Variants in REDIC1 observed in about 807,000 individuals in gnomAD.
The protein encoded by REDIC1 is regulator of DNA class I crossover intermediates 1.
chr12:39,650,253 C>G, the REDIC1 span: 1 of 1,608,494 alleles, frequency 6.2e-7, no homozygotes, highest in Non-Finnish European at 8.5e-7. This position sits in a 1 kb window ranked among gnomAD's most constrained non-coding sequence, Gnocchi z 4.3. Context: ...GTACTGTTAA[C>G]TGTTCTGATT....
chr12:39,782,280 G>A, the REDIC1 span, among the ~76,000 whole-genome samples: 2 of 152,130 alleles, frequency 1.3e-5, no homozygotes, highest in African/African-American at 4.8e-5. Flanking sequence ...AATTTGAATT[G>A]TATCTCTCAG....
chr12:39,704,253 T>G, the REDIC1 span, among the ~76,000 whole-genome samples: 1 of 150,984 alleles, frequency 6.6e-6, no homozygotes, highest in East Asian at 1.9e-4. Flanking sequence ...CATCAAAAAG[T>G]GGGCAAAGGA....
the REDIC1 span, among the ~76,000 whole-genome samples, chr12:39,864,242 C>T: frequency 1.3e-5 from 2 of 152,166 alleles, no homozygotes; most frequent in African/African-American, 2.4e-5. Context: ...ATTTTGTTTT[C>T]TTTCACCATC....
the REDIC1 span, chr12:39,764,826 T>G: frequency 1.2e-6 from 2 of 1,612,382 alleles, no homozygotes; most frequent in Non-Finnish European, 1.7e-6. Context: ...CCAAAATATA[T>G]CTTCTGTTTT....
the REDIC1 span, chr12:39,756,896 G>A: frequency 3.3e-5 from 5 of 151,526 alleles, no homozygotes; most frequent in Non-Finnish European, 7.4e-5. Context: ...TATTCTCATA[G>A]CATTTTGTAT....
the REDIC1 span, among the ~76,000 whole-genome samples, chr12:39,661,240 C>T: frequency 6.6e-6 from 1 of 152,112 alleles, no homozygotes; most frequent in African/African-American, 2.4e-5. Flanking sequence ...ACATTCTTTT[C>T]CGTAATGACA....
the REDIC1 span, chr12:39,864,861 A>G: frequency 2.5e-6 from 4 of 1,613,864 alleles, no homozygotes; most frequent in Non-Finnish European, 3.4e-6. Flanking sequence ...CAAGGCAAGA[A>G]TAATGAGTGC....
At chr12:39,688,923 A>G in the REDIC1 span, among the ~76,000 whole-genome samples, 1 of 152,184 alleles carries the variant, frequency 6.6e-6, no homozygotes. Context: ...CCATAGGAGG[A>G]GGTGGCAGGA....
the REDIC1 span, among the ~76,000 whole-genome samples, chr12:39,635,769 G>T: frequency 6.6e-6 from 1 of 152,054 alleles, no homozygotes; most frequent in Non-Finnish European, 1.5e-5. Context: ...TTGTGCATAT[G>T]TACCCTAGAA....
the REDIC1 span, among the ~76,000 whole-genome samples, chr12:39,883,294 C>T: frequency 1.3e-5 from 2 of 152,116 alleles, no homozygotes; most frequent in Admixed American, 1.3e-4. Context: ...GCCTCACCAC[C>T]ATCACTCTCC....
chr12:39,713,422 ATG>A, the REDIC1 span, among the ~76,000 whole-genome samples: 1 of 9,358 alleles, frequency 1.1e-4, no homozygotes, highest in Admixed American at 1.5e-3. Flanking sequence ...ACATATACAT[ATG>A]TATATATGTG....
the REDIC1 span, among the ~76,000 whole-genome samples, chr12:39,733,066 A>AAT: frequency 9.7e-5 from 6 of 61,974 alleles, no homozygotes; most frequent in African/African-American, 4.5e-4. Context: ...GAGGCAGAAA[A>AAT]ATGCACACAC....
the REDIC1 span, among the ~76,000 whole-genome samples, chr12:39,838,235 G>A: frequency 0.068 from 10,278 of 150,434 alleles, 485 homozygotes; most frequent in Admixed American, 0.087. Context: ...GTAAACTGTC[G>A]CAAGATCAAA....
chr12:39,672,977 T>C, the REDIC1 span, among the ~76,000 whole-genome samples: 1 of 152,124 alleles, frequency 6.6e-6, no homozygotes, highest in Non-Finnish European at 1.5e-5. Flanking sequence ...TCCCATTCCA[T>C]TCTCAGAGCC....
the REDIC1 span, among the ~76,000 whole-genome samples, chr12:39,702,687 A>C: frequency 1.3e-5 from 2 of 152,214 alleles, no homozygotes; most frequent in South Asian, 2.1e-4. Context: ...AATCCTCAAT[A>C]AAATACTGGC....
At chr12:39,864,722 CAG>C in the REDIC1 span, 29 of 1,598,174 alleles carry the variant, frequency 1.8e-5, 1 homozygote, top group African/African-American at 3.5e-4. Context: ...AAAAAGTTAC[CAG>C]AGTCATGTAA....
the REDIC1 span, among the ~76,000 whole-genome samples, chr12:39,735,817 T>C: frequency 1.3e-5 from 2 of 152,244 alleles, no homozygotes; most frequent in Non-Finnish European, 2.9e-5. Flanking sequence ...CAACATGCTT[T>C]CCTATAGCAA....
At chr12:39,710,850 T>C in the REDIC1 span, among the ~76,000 whole-genome samples, 1 of 151,770 alleles carries the variant, frequency 6.6e-6, no homozygotes, top group Non-Finnish European at 1.5e-5. Flanking sequence ...CACAGTGCCT[T>C]ACATAAAGTA....
At chr12:39,716,559 G>A in the REDIC1 span, among the ~76,000 whole-genome samples, 1 of 152,040 alleles carries the variant, frequency 6.6e-6, no homozygotes, top group Admixed American at 6.6e-5. Flanking sequence ...AATCTTTTAA[G>A]GGTAAAATAA....
Sources: gnomAD v4.1 joint callset for allele counts (sites outside exome capture counted in the v4.1 genomes callset) on GRCh38, gnomAD v4.1.1 for gene constraint, Gnocchi (gnomAD v3.1) non-coding constraint, MANE v1.5 for transcripts, NCBI Gene and HGNC (gene_info 2026-07-23, HGNC 2026-07-21) for gene names.